The following ZMYM2 variants were observed in gnomAD, a reference collection of about 807,000 sequenced individuals.
ZMYM2 encodes the protein zinc finger MYM-type protein 2.
In ZMYM2, 56 loss-of-function variants were observed where a neutral mutation model predicts 162.8. The ratio of observed to expected loss-of-function variants is 0.34; its 90% confidence interval spans 0.28 to 0.43. The LOEUF is 0.43. ZMYM2 is among the 20% of genes least tolerant of loss of function. The probability of loss-of-function intolerance (pLI) is 1.00; values close to 1 mark genes in which losing one functional copy is unlikely to be tolerated. For missense variants in ZMYM2, 1,275 were observed against 1,621.8 expected, an observed-to-expected ratio of 0.79 and a Z score of 3.67; for synonymous variants, 510 against 541.6, an observed-to-expected ratio of 0.94 and a Z score of 0.81.
At chr13:19,934,538 T>C in the ZMYM2 span, among the ~76,000 whole-genome samples, 49,440 of 152,082 alleles carry the variant, frequency 0.33, 8,245 homozygotes, top group Admixed American at 0.39. Flanking sequence ...AGCATGTCTG[T>C]TTGTCTCTAG....
chr13:19,947,041 T>C, the ZMYM2 span, among the ~76,000 whole-genome samples: 153 of 151,544 alleles, frequency 1.0e-3, no homozygotes, highest in Non-Finnish European at 3.4e-4. Context: ...TTATTTTTAT[T>C]TATTTATTTA....
At chr13:19,964,610 GTA>G (rs916617242) in intron 2 of ZMYM2, among the ~76,000 whole-genome samples, 1 of 152,084 alleles carries the variant, frequency 6.6e-6, no homozygotes, top group Non-Finnish European at 1.5e-5. Flanking sequence ...TGTTTTATTA[GTA>G]TAAGTTATCA....
rs796692110 is a variant in ZMYM2 at position 19,974,478 on chromosome 13, C to CT, written c.-11+14467dup. On this transcript the variant is annotated intron_variant, in intron 2 of 24. Transcript: ENST00000610343. ...TGATTTTACCATGAATATCCTTCTA[C>CT]TTTTTTTTTTTTTTTGAGACAGACT... Among the ~76,000 whole-genome samples the CT allele has an allele frequency of 8.1e-3, 1,146 of 141,164 alleles. 4 individuals carry two copies. The highest frequency in any genetic ancestry group is 0.023 in the African/African-American group (910 of 38,778). The allele number at this position is 141,164 out of a possible 152,430, so 92.6% of individuals were successfully genotyped here.
rs56666919 is a variant in ZMYM2, at chr13:19,991,079, C to CTGTGTGTGTG, written c.-10-1958_-10-1949dup. 0.015 allele frequency among the ~76,000 whole-genome samples: 872 copies of CTGTGTGTGTG among 59,888 alleles called. 22 individuals carry two copies. In the East Asian group the frequency reaches 0.28, roughly 19 times the overall value. 39.3% of individuals were successfully genotyped at this position (59,888 alleles called of 152,430 possible). Reference sequence around the variant, plus strand: ...GTGTGTGTGTGTACGTATGTATTTTCTGTGTGTGTGTGTGTGTGTGTGTGT... The same window carrying CTGTGTGTGTG: ...GTGTGTGTGTGTACGTATGTATTTTCTGTGTGTGTGTGTGTGTGTGTGTGTGTGTGTGTGT... On this transcript the variant is annotated intron_variant, in intron 2 of 24. Coordinates refer to ENST00000610343, the MANE Select transcript of ZMYM2 (RefSeq NM_197968.4).
At position 20,036,905 on chromosome 13, in the gene ZMYM2, A is replaced by T. The variant is rs561805876; in HGVS notation, c.2288A>T (p.Tyr763Phe). The change falls in exon 12 of 25, where the codon TAC becomes TTC. Residue 763 changes from tyrosine (Y) to phenylalanine (F), a missense_variant. Around this residue, in one of 10 missense-constraint regions of ZMYM2, gnomAD observed 177 missense variants for 228.0 expected, o/e 0.78. Coordinates refer to ENST00000610343, the MANE Select transcript of ZMYM2 (RefSeq NM_197968.4). ...TGTAAAAAATTTCAGGATTGGTACTACAAGGCGAGTAACTCCTTTATTACA... is the reference window on the plus strand; with the variant it reads ...TGTAAAAAATTTCAGGATTGGTACTTCAAGGCGAGTAACTCCTTTATTACA... ...DCCKKFQDWYYKAARCDCCKS... is the reference protein window; with the variant it reads ...DCCKKFQDWYFKAARCDCCKS... 2.7e-5 allele frequency: 44 copies of T among 1,606,552 alleles called. No individual in the cohort carries two copies. Among genetic ancestry groups the T allele is most frequent in the Non-Finnish European group, 3.2e-5 (38 of 1,176,948 alleles).
At chr13:20,016,765 G>A (rs1252883696) in intron 6 of ZMYM2, among the ~76,000 whole-genome samples, 4 of 151,870 alleles carry the variant, frequency 2.6e-5, no homozygotes, top group East Asian at 1.9e-4. Context: ...GCTTCTTTCC[G>A]TATTTTCTTT....
chr13:20,083,874 T>C lies in ZMYM2; in HGVS notation c.3941+98T>C. On this transcript the variant is annotated intron_variant, in intron 24 of 24. Transcript: ENST00000610343. ...AAGTGACTTTTTTAGATGGATTCTT[T>C]CTCAGATTTCTTCTCTCTCAGTTAT... 7 of 1,221,090 alleles carry C rather than the reference T, an allele frequency of 5.7e-6. No individual in the cohort carries two copies. In the South Asian group the frequency reaches 9.8e-5, roughly 17 times the overall value. The allele number at this position is 1,221,090 out of a possible 1,614,324, so 75.6% of individuals were successfully genotyped here.
At chr13:19,866,046 A>ATTT in the ZMYM2 span, among the ~76,000 whole-genome samples, 89,413 of 148,646 alleles carry the variant, frequency 0.6, 30,698 homozygotes, top group East Asian at 0.87. Flanking sequence ...AATACTTAAG[A>ATTT]TTTTTTTTTT....
intron 1 of ZMYM2, among the ~76,000 whole-genome samples, 173 bp downstream of exon 1, chr13:19,959,014 GGCCGCCGTCGCCGCT>G (rs1011896409): frequency 2.6e-5 from 4 of 152,002 alleles, no homozygotes; most frequent in Non-Finnish European, 5.9e-5. Context: ...CCCGCGGCGC[GGCCGCCGTCGCCGCT>G]GCCGCGTCGG....
chr13:19,989,617 A>G (rs1295109056), intron 2 of ZMYM2, among the ~76,000 whole-genome samples: 2 of 152,212 alleles, frequency 1.3e-5, no homozygotes, highest in Admixed American at 1.3e-4. Flanking sequence ...TAATCACATC[A>G]TGGAGAATGG....
At chr13:19,929,383 C>T in the ZMYM2 span, among the ~76,000 whole-genome samples, 2 of 152,010 alleles carry the variant, frequency 1.3e-5, no homozygotes, top group East Asian at 1.9e-4. Context: ...GGACTACAGG[C>T]GCCTGCCGCC....
chr13:20,006,456 G>C lies in ZMYM2; in HGVS notation c.1382G>C (p.Gly461Ala). 6.2e-7 allele frequency: 1 copy of C among 1,612,478 alleles called. No individual in the cohort carries two copies. Among genetic ancestry groups the C allele is most frequent in the Non-Finnish European group, 8.5e-7 (1 of 1,179,150 alleles). ...TTTAATAGATATAGAATGGCCAATG[G>C]TTTAATAATGAATTGCTGTGAACAG... ...HCFNRYRMAN[G>A]LIMNCCEQCG... The change falls in exon 6 of 25, where the codon GGT (glycine) becomes GCT (alanine). Residue 461 changes from glycine (G) to alanine (A), a missense_variant. This residue lies in a region of ZMYM2 where 276 missense variants were observed against 311.8 expected (regional missense o/e 0.89). Transcript: ENST00000610343.
At chr13:20,053,493 A>C (rs1047963729) in intron 14 of ZMYM2, among the ~76,000 whole-genome samples, 1 of 152,128 alleles carries the variant, frequency 6.6e-6, no homozygotes, top group African/African-American at 2.4e-5. Flanking sequence ...TCTACTAAAA[A>C]TACAAAAAAT....
chr13:20,057,455 G>T (rs1955886515), intron 14 of ZMYM2, among the ~76,000 whole-genome samples: 1 of 151,884 alleles, frequency 6.6e-6, no homozygotes, highest in South Asian at 2.1e-4. Context: ...GTAAAACTTT[G>T]CTTAATTTTT....
chr13:20,019,790 CACTAATTTT>C (rs1566312255), intron 7 of ZMYM2, 172 bp downstream of exon 7: 5 of 607,538 alleles, frequency 8.2e-6, no homozygotes, highest in Non-Finnish European at 1.5e-5. Flanking sequence ...TTTCTAATTT[CACTAATTTT>C]ACATGTATTT....
At chr13:19,889,176 T>C in the ZMYM2 span, among the ~76,000 whole-genome samples, 6 of 151,940 alleles carry the variant, frequency 3.9e-5, no homozygotes, top group Non-Finnish European at 2.9e-5. Flanking sequence ...TTTGAGAGCT[T>C]ATGGGGAGAT....
At position 20,053,196 on chromosome 13, in the gene ZMYM2, C is replaced by T. The variant is rs977253354; in HGVS notation, c.2493+885C>T. On this transcript the variant is annotated intron_variant, in intron 14 of 24. Coordinates refer to ENST00000610343, the MANE Select transcript of ZMYM2 (RefSeq NM_197968.4). ...TCCTGCTATTTCTGGCATCCTTATC[C>T]GAGGGAAGCTCTTTGGGAGTCATTT... Among the ~76,000 whole-genome samples the T allele has an allele frequency of 3.3e-5, 5 of 152,278 alleles. No individual in the cohort carries two copies. The East Asian group carries it at 7.7e-4, about 24-fold the overall frequency.
chr13:20,074,238 G>GAC (rs1555330331), intron 21 of ZMYM2, among the ~76,000 whole-genome samples: 2 of 120,576 alleles, frequency 1.7e-5, no homozygotes, highest in Non-Finnish European at 3.2e-5. Context: ...GTGTGTGTGT[G>GAC]AGAGAGACAG....
chr13:19,873,385 T>TTTATTTAA, the ZMYM2 span, among the ~76,000 whole-genome samples: 21 of 110,092 alleles, frequency 1.9e-4, no homozygotes, highest in African/African-American at 7.5e-4. Flanking sequence ...GTCAATTTTA[T>TTTATTTAA]TTATTTATTT....
Sources: gnomAD v4.1 joint callset for allele counts (sites outside exome capture counted in the v4.1 genomes callset) on GRCh38, gnomAD v4.1.1 for gene constraint, gnomAD v4.1.1 regional missense constraint, MANE v1.5 for transcripts, NCBI Gene and HGNC (gene_info 2026-07-23, HGNC 2026-07-21) for gene names.